KCNQ3: variants seen among roughly 807,000 people sequenced by gnomAD.
KCNQ3 encodes the protein potassium voltage-gated channel subfamily KQT member 3.
Under a neutral mutation model 92.5 loss-of-function variants are expected in KCNQ3, and 30 were observed. The ratio of observed to expected loss-of-function variants is 0.32; its 90% confidence interval spans 0.24 to 0.44. The LOEUF (loss-of-function observed/expected upper bound fraction) is 0.44. KCNQ3 is among the 20% of genes least tolerant of loss of function. The pLI is 1.00. For synonymous variants in KCNQ3, 450 were observed against 468.8 expected, an observed-to-expected ratio of 0.96 and a Z score of 0.52; for missense variants, 913 against 1,140.3, an observed-to-expected ratio of 0.80 and a Z score of 2.87.
At chr8:132,245,807 C>T (rs1815153793) in intron 1 of KCNQ3, among the ~76,000 whole-genome samples, 1 of 152,186 alleles carries the variant, frequency 6.6e-6, no homozygotes. Context: ...CTGCTACATC[C>T]TTGTACATGC....
intron 1 of KCNQ3, among the ~76,000 whole-genome samples, chr8:132,279,601 G>C (rs1202661624): frequency 6.6e-6 from 1 of 152,126 alleles, no homozygotes; most frequent in Non-Finnish European, 1.5e-5. Context: ...CACATAGTAG[G>C]TGACTTATGA....
intron 1 of KCNQ3, among the ~76,000 whole-genome samples, chr8:132,364,678 C>CAGACGGATGGATGGAT (rs1486708564): frequency 2.5e-4 from 31 of 123,628 alleles, no homozygotes; most frequent in African/African-American, 6.0e-4. Flanking sequence ...GATGGACGGA[C>CAGACGGATGGATGGAT]GGACGGACGG....
At chr8:132,187,827 G>GGTAGTGATA (rs1827032110) in intron 1 of KCNQ3, among the ~76,000 whole-genome samples, 1 of 135,964 alleles carries the variant, frequency 7.4e-6, no homozygotes, top group African/African-American at 3.2e-5. Flanking sequence ...TGGTGGTGGT[G>GGTAGTGATA]GTGATTGTGG....
At chr8:132,357,143 T>G (rs1277607237) in intron 1 of KCNQ3, among the ~76,000 whole-genome samples, 1 of 152,212 alleles carries the variant, frequency 6.6e-6, no homozygotes, top group Non-Finnish European at 1.5e-5. Flanking sequence ...AATACCATGC[T>G]ACTCACCCAG....
chr8:132,218,693 A>G (rs1814121107), intron 1 of KCNQ3, among the ~76,000 whole-genome samples: 1 of 152,238 alleles, frequency 6.6e-6, no homozygotes, highest in Admixed American at 6.5e-5. Flanking sequence ...TTTGGATTCA[A>G]AATCCAGGCT....
At chr8:132,184,977 C>G (rs989108472) in intron 2 of KCNQ3, among the ~76,000 whole-genome samples, 2 of 152,246 alleles carry the variant, frequency 1.3e-5, no homozygotes, top group South Asian at 4.1e-4. Flanking sequence ...CTTAAGCACT[C>G]TCCAGGACAC....
At chr8:132,296,860 G>A (rs1586905192) in intron 1 of KCNQ3, among the ~76,000 whole-genome samples, 2 of 151,948 alleles carry the variant, frequency 1.3e-5, no homozygotes, top group South Asian at 2.1e-4. Flanking sequence ...ACGTGTGCAT[G>A]TGTCTTTATA....
At chr8:132,438,751 C>T (rs1022624801) in intron 1 of KCNQ3, among the ~76,000 whole-genome samples, 3 of 151,972 alleles carry the variant, frequency 2.0e-5, no homozygotes, top group South Asian at 2.1e-4. Flanking sequence ...ATGTGGTCAG[C>T]GTAAGACTCT....
At chr8:132,204,601 C>T (rs534362942) in intron 1 of KCNQ3, among the ~76,000 whole-genome samples, 1 of 152,310 alleles carries the variant, frequency 6.6e-6, no homozygotes, top group Admixed American at 6.5e-5. Context: ...CTCCACCCTT[C>T]ATACACACAG....
At chr8:132,433,145 A>G (rs977311503) in intron 1 of KCNQ3, among the ~76,000 whole-genome samples, 2 of 152,204 alleles carry the variant, frequency 1.3e-5, no homozygotes, top group Non-Finnish European at 2.9e-5. Context: ...AGGTTACCTC[A>G]TACTTTATTG....
At chr8:132,342,389 C>T (rs1818558585) in intron 1 of KCNQ3, among the ~76,000 whole-genome samples, 1 of 152,004 alleles carries the variant, frequency 6.6e-6, no homozygotes, top group Admixed American at 6.6e-5. Context: ...CCCCAATTCT[C>T]GCCTTCTCAG....
intron 1 of KCNQ3, among the ~76,000 whole-genome samples, chr8:132,233,862 A>T (rs1814718921): frequency 6.6e-6 from 1 of 152,212 alleles, no homozygotes; most frequent in African/African-American, 2.4e-5. Flanking sequence ...CGGGCAAAAA[A>T]AAATATTCAA....
intron 9 of KCNQ3, 73 bp from the exon 10 acceptor site, chr8:132,141,404 A>G: frequency 7.8e-7 from 1 of 1,276,378 alleles, no homozygotes; most frequent in Non-Finnish European, 1.1e-6. Context: ...CCCTCCATAA[A>G]GACTCACACA....
chr8:132,440,788 C>G (rs139095305), intron 1 of KCNQ3, among the ~76,000 whole-genome samples: 5 of 152,122 alleles, frequency 3.3e-5, no homozygotes, highest in Non-Finnish European at 5.9e-5. Flanking sequence ...ACTCTGCCAC[C>G]CTCACAGAAT....
At chr8:132,314,911 T>C (rs1817696541) in intron 1 of KCNQ3, among the ~76,000 whole-genome samples, 1 of 152,186 alleles carries the variant, frequency 6.6e-6, no homozygotes, top group Admixed American at 6.5e-5. Context: ...CATGCTGTGA[T>C]AGAAAAACAA....
intron 1 of KCNQ3, among the ~76,000 whole-genome samples, chr8:132,288,016 A>G (rs1053887106): frequency 2.0e-5 from 3 of 152,224 alleles, no homozygotes; most frequent in Non-Finnish European, 4.4e-5. Flanking sequence ...TGTGAGCTCT[A>G]GAAACCATGA....
At position 132,303,565 on chromosome 8, in the gene KCNQ3, G is replaced by GATATATATATATATATATAT. The variant is rs781058299; in HGVS notation, c.387-117385_387-117384insATATATATATATATATATAT. ...ACTTGTGATCAGATAAAGAAAATGT[G>GATATATATATATATATATAT]ATATATATATATATGGTGTGTGTGT... On this transcript the variant is annotated intron_variant, in intron 1 of 14. Transcript: ENST00000388996. Among the ~76,000 whole-genome samples the GATATATATATATATATATAT allele has an allele frequency of 8.9e-3, 378 of 42,534 alleles. 89 individuals are homozygous for GATATATATATATATATATAT. The highest frequency in any genetic ancestry group is 0.017 in the East Asian group (9 of 542). 27.9% of individuals were successfully genotyped at this position (42,534 alleles called of 152,430 possible). A position where few individuals can be genotyped will look rare whatever the true frequency, so the allele number is the denominator to read the frequency against.
chr8:132,380,350 G>A (rs1030422357), intron 1 of KCNQ3, among the ~76,000 whole-genome samples: 1 of 152,166 alleles, frequency 6.6e-6, no homozygotes, highest in Non-Finnish European at 1.5e-5. Context: ...TGAGAAAGAG[G>A]CAAGCATCTC....
At chr8:132,369,969 G>T (rs1819428126) in intron 1 of KCNQ3, among the ~76,000 whole-genome samples, 1 of 152,110 alleles carries the variant, frequency 6.6e-6, no homozygotes, top group African/African-American at 2.4e-5. Context: ...TATTCCCTCT[G>T]CTGACAATGC....
Sources: allele counts gnomAD v4.1 joint callset (sites outside exome capture counted in the v4.1 genomes callset), GRCh38; gene constraint gnomAD v4.1.1; transcripts MANE v1.5; gene names NCBI Gene and HGNC (gene_info 2026-07-23, HGNC 2026-07-21).